The following REC8 variants were observed in gnomAD, a reference collection of about 807,000 sequenced individuals.
REC8 encodes REC8 meiotic recombination protein, also known as meiotic recombination protein REC8 homolog.
Under a neutral mutation model 78.3 loss-of-function variants are expected in REC8, and 42 were observed. The ratio of observed to expected loss-of-function variants is 0.54; its 90% confidence interval spans 0.42 to 0.69. The LOEUF (loss-of-function observed/expected upper bound fraction) is 0.69, where lower values mean the gene tolerates loss of function less well. Ranked by LOEUF, REC8 falls within the 30% of genes least tolerant of loss-of-function variation. REC8 has a pLI of 0.00. For missense variants in REC8, 581 were observed against 715.8 expected (o/e 0.81, Z 2.15); for synonymous variants, 268 against 274.1 (o/e 0.98, Z 0.22).
In REC8 at chr14:24,178,828, C is replaced by T. The variant is rs2039024203; in HGVS notation, c.1115C>T (p.Pro372Leu). 1 of 1,613,740 alleles carries T rather than the reference C, an allele frequency of 6.2e-7. No individual in the cohort carries two copies. The highest frequency in any genetic ancestry group is 1.1e-5 in the South Asian group (1 of 91,084). The part of the protein sequence containing the change: ...LLGLWTHCAQ[P>L]PPKALRRELP... ...GGTCTCTGGACCCATTGTGCCCAGC[C>T]ACCCCCAAAAGCCCTCAGGCGAGAG... Residue 372 changes from proline (P) to leucine (L), a missense_variant, in exon 14 of 19, where the codon CCA becomes CTA. By Grantham distance (98) the Pro-to-Leu change is moderately conservative. Coordinates refer to ENST00000611366, the MANE Select transcript of REC8 (RefSeq NM_001048205.2).
chr14:24,180,263 T>A, downstream of REC8: 2 of 1,544,238 alleles, frequency 1.3e-6, no homozygotes, highest in Non-Finnish European at 1.8e-6. Flanking sequence ...CAGTATGATG[T>A]CATGACTCAT....
At chr14:24,180,743 G>A (rs751911896), downstream of REC8, 11 of 1,614,006 alleles carry the variant, frequency 6.8e-6, no homozygotes, top group Admixed American at 3.3e-5. Flanking sequence ...AGAAGCTCGG[G>A]AGCCACATCT....
At chr14:24,173,223 G>T (rs1449583202) in intron 4 of REC8, 25 bp downstream of exon 4, 2 of 1,614,124 alleles carry the variant, frequency 1.2e-6, no homozygotes, top group South Asian at 2.2e-5. Flanking sequence ...GGCCTTTGAT[G>T]GAACACCTGC....
At chr14:24,179,518 G>C (rs552380388) in intron 16 of REC8, 55 bp downstream of exon 16, 3 of 1,613,834 alleles carry the variant, frequency 1.9e-6, no homozygotes, top group East Asian at 4.5e-5. Flanking sequence ...CCAGGTGGTG[G>C]AAACAGCTGC....
chr14:24,177,391 C>T lies in REC8; in HGVS notation c.737+8C>T. ...ACCTCCAGCTCCTGCAGAGTAAGGG[C>T]AAGAACTCCTAGACCAGGTAGGGTG... is the stretch of plus-strand genomic sequence containing the variant. On this transcript the variant is annotated splice_region_variant and intron_variant, in intron 9 of 18. Transcript: ENST00000611366. 6.2e-7 allele frequency: 1 copy of T among 1,614,152 alleles called. No homozygotes were observed. The highest frequency in any genetic ancestry group is 8.5e-7 in the Non-Finnish European group (1 of 1,180,028).
In REC8 at chr14:24,179,575, ACTCT is replaced by A. The variant is rs763291627; in HGVS notation, c.1320-16_1320-13del. ...CACTGTCACAGCTGCCACCTTCCCT[ACTCT>A]CTCATGTCCTCCTAGGGCCTGGCCT... On this transcript the variant is annotated splice_polypyrimidine_tract_variant and intron_variant, in intron 16 of 18. Transcript: ENST00000611366. 5.0e-5 allele frequency: 80 copies of A among 1,613,428 alleles called. No individual in the cohort carries two copies. The highest frequency in any genetic ancestry group is 1.6e-4 in the Middle Eastern group (1 of 6,080).
chr14:24,176,512 T>G (rs1170017129), intron 6 of REC8, among the ~76,000 whole-genome samples: 1 of 151,846 alleles, frequency 6.6e-6, no homozygotes, highest in Non-Finnish European at 1.5e-5. Context: ...CCTGGCTAGT[T>G]TTTAAATTTT....
chr14:24,175,525 T>C lies in REC8; in HGVS notation c.463-18T>C. 2 of 1,605,828 alleles carry C rather than the reference T, an allele frequency of 1.2e-6. No homozygotes were observed. Among genetic ancestry groups the C allele is most frequent in the Non-Finnish European group, 1.7e-6 (2 of 1,172,454 alleles). ...CTGAAGCTGAACCCTATCTTTTGTT[T>C]CCAATCCCTCTCCAAAGATTCGACA... On this transcript the variant is annotated intron_variant, in intron 5 of 18. Coordinates refer to ENST00000611366, the MANE Select transcript of REC8 (RefSeq NM_001048205.2).
intron 12 of REC8, 74 bp from the exon 13 acceptor site, chr14:24,178,532 A>C (rs1177876982): frequency 2.5e-5 from 37 of 1,483,440 alleles, no homozygotes; most frequent in Non-Finnish European, 3.7e-6. Flanking sequence ...AGAACAGTGC[A>C]TTGCAAAGAG....
intron 11 of REC8, 66 bp from the exon 12 acceptor site, chr14:24,178,025 C>A (rs766790035): frequency 5.8e-6 from 9 of 1,561,236 alleles, no homozygotes; most frequent in Non-Finnish European, 7.8e-6. Context: ...TGTTAGCAGT[C>A]CACCAGAATG....
rs1594401714 is a variant in REC8 at position 24,172,332 on chromosome 14, A to G, written c.-221A>G. The G allele has an allele frequency of 8.8e-6, 5 of 565,910 alleles. No homozygotes were observed. In the South Asian group the frequency reaches 1.2e-4, roughly 13 times the overall value. 35.1% of individuals were successfully genotyped at this position (565,910 alleles called of 1,614,324 possible). A position where few individuals can be genotyped will look rare whatever the true frequency, so the allele number is the denominator to read the frequency against. On this transcript the variant is annotated 5_prime_UTR_variant, in exon 1 of 19. Coordinates refer to ENST00000611366, the MANE Select transcript of REC8 (RefSeq NM_001048205.2). ...GCGGATCCACTGAGGGTCCACAGAG[A>G]GGGGCGCCCATCTCCTGCGTCTCAG... is the stretch of plus-strand genomic sequence containing the variant.
At chr14:24,180,560 G>A, downstream of REC8, 4 of 1,614,078 alleles carry the variant, frequency 2.5e-6, no homozygotes, top group Non-Finnish European at 3.4e-6. Context: ...CAGCAACAGT[G>A]CGGCCTTGGT....
chr14:24,173,310 A>C lies in REC8; in HGVS notation c.361A>C (p.Asn121His), dbSNP rs758426688. The change falls in exon 5 of 19, where the codon AAC becomes CAC. Residue 121 changes from asparagine (N) to histidine (H), a missense_variant. By Grantham distance (68) the Asn-to-His change is moderately conservative. Transcript: ENST00000611366. ...TCCCAGACCCAGCCTGCTGCTTCCT[A>C]ACCACCTGGCCATGATGGAGACCCT... ...ETELPSLLLPNHLAMMETLED... is the reference protein window; with the variant it reads ...ETELPSLLLPHHLAMMETLED... The C allele has an allele frequency of 2.0e-5, 33 of 1,613,970 alleles. No individual in the cohort carries two copies. The highest frequency in any genetic ancestry group is 2.7e-5 in the African/African-American group (2 of 74,894).
intron 9 of REC8, 38 bp from the exon 10 acceptor site, chr14:24,177,427 G>A: frequency 6.2e-7 from 1 of 1,614,164 alleles, no homozygotes; most frequent in Non-Finnish European, 8.5e-7. Context: ...TCAGTGCTGG[G>A]AAGGGTCTCC....
chr14:24,176,766 T>C (rs2038915878), intron 6 of REC8, 56 bp from the exon 7 acceptor site: 13 of 1,384,712 alleles, frequency 9.4e-6, no homozygotes, highest in Non-Finnish European at 1.3e-5. Context: ...CTTAACTGCA[T>C]GGCTGTGGGA....
intron 5 of REC8, among the ~76,000 whole-genome samples, chr14:24,173,957 C>G (rs914810526): frequency 1.3e-5 from 2 of 152,002 alleles, no homozygotes; most frequent in Non-Finnish European, 2.9e-5. Flanking sequence ...CCTCTGCCTC[C>G]CCGGTTCAAG....
At chr14:24,176,974 C>T in intron 7 of REC8, 73 bp downstream of exon 7, 1 of 1,403,238 alleles carries the variant, frequency 7.1e-7, no homozygotes, top group Admixed American at 1.8e-5. Flanking sequence ...CAGAGTCCTG[C>T]CTTTTCTGTC....
rs1426111785 is a variant in REC8 at position 24,175,554 on chromosome 14, C to T, written c.474C>T (p.Leu158=). 1.9e-6 allele frequency: 3 copies of T among 1,613,904 alleles called. No homozygotes were observed. The highest frequency in any genetic ancestry group is 2.2e-5 in the South Asian group (2 of 91,080). ...SPFDIPQIRH[L]LEAAIPERVE... ...ATCCCTCTCCAAAGATTCGACACCT[C>T]TTAGAGGCTGCAATCCCAGAGAGAG... The change falls in exon 6 of 19, where the codon CTC becomes CTT. Residue 158 remains leucine (L), a synonymous_variant. Coordinates refer to ENST00000611366, the MANE Select transcript of REC8 (RefSeq NM_001048205.2).
At chr14:24,180,563 GC>G, downstream of REC8, 1 of 1,613,866 alleles carries the variant, frequency 6.2e-7, no homozygotes, top group Non-Finnish European at 8.5e-7. Flanking sequence ...CAACAGTGCG[GC>G]CTTGGTGTCT....
Sources: gnomAD v4.1 joint callset for allele counts (sites outside exome capture counted in the v4.1 genomes callset) on GRCh38, gnomAD v4.1.1 for gene constraint, MANE v1.5 for transcripts, NCBI Gene and HGNC (gene_info 2026-07-23, HGNC 2026-07-21) for gene names.